ADA: variants seen among roughly 807,000 people sequenced by gnomAD.
ADA encodes the protein adenosine deaminase, also known as adenosine aminohydrolase.
A neutral mutation model predicts 49.0 loss-of-function variants in ADA; 45 were observed. The ratio of observed to expected loss-of-function variants is 0.92; its 90% CI spans 0.72 to 1.18. The LOEUF (loss-of-function observed/expected upper bound fraction) is 1.18. Among genes scored for constraint, ADA ranks in the 50% most tolerant of loss-of-function variants. ADA has a pLI of 0.00. For missense variants in ADA, 445 were observed against 472.5 expected, an observed-to-expected ratio of 0.94 and a Z score of 0.54; for synonymous variants, 173 against 184.2, an observed-to-expected ratio of 0.94 and a Z score of 0.49.
At chr20:44,649,615 T>C (rs1010784957) in intron 1 of ADA, among the ~76,000 whole-genome samples, 2 of 150,808 alleles carry the variant, frequency 1.3e-5, no homozygotes, top group Non-Finnish European at 2.9e-5. Flanking sequence ...AGCCCCTCCC[T>C]TGATGGGCTG....
intron 1 of ADA, among the ~76,000 whole-genome samples, chr20:44,650,708 A>C (rs1376043047): frequency 1.3e-5 from 2 of 152,158 alleles, no homozygotes; most frequent in African/African-American, 4.8e-5. Flanking sequence ...TGCTGGGATT[A>C]CAGGCGTGAG....
intron 1 of ADA, among the ~76,000 whole-genome samples, chr20:44,646,857 C>T (rs1050199664): frequency 6.6e-6 from 1 of 151,962 alleles, no homozygotes; most frequent in Non-Finnish European, 1.5e-5. Context: ...ACAGCTTCTA[C>T]TTGAGTGCAG....
chr20:44,640,007 G>A (rs1031896006), intron 1 of ADA, among the ~76,000 whole-genome samples: 1 of 152,012 alleles, frequency 6.6e-6, no homozygotes, highest in Non-Finnish European at 1.5e-5. Context: ...AGGCCAGGCC[G>A]TCAGATGTCA....
rs912366177 is a variant in ADA, at chr20:44,645,273, G to A, written c.33+6302C>T. Among the ~76,000 whole-genome samples, 4 of 149,564 alleles carry A rather than the reference G, an allele frequency of 2.7e-5. No individual in the cohort carries two copies. The East Asian group carries it at 5.9e-4, about 22-fold the overall frequency. On this transcript the variant is annotated intron_variant, in intron 1 of 11. Transcript: ENST00000372874. ...CTTGGGAGGCTGAGGCAGGAGGATC[G>A]CATGAACCCAGGAGGCAGAGGTTGC...
chr20:44,623,086 G>T lies in ADA; in HGVS notation c.607-8C>A, dbSNP rs751830380. 5 of 1,613,990 alleles carry T rather than the reference G, an allele frequency of 3.1e-6. No individual in the cohort carries two copies. The highest frequency in any genetic ancestry group is 4.2e-6 in the Non-Finnish European group (5 of 1,179,992). ...GCCGCTCTTCACAGCCTCCTGGAAG[G>T]GGGAGAGCCAGGTCATGGGTGCCCT... is the stretch of plus-strand genomic sequence containing the variant. On this transcript the variant is annotated splice_polypyrimidine_tract_variant and splice_region_variant and intron_variant, in intron 6 of 11. Transcript: ENST00000372874.
intron 1 of ADA, among the ~76,000 whole-genome samples, chr20:44,637,419 T>C (rs2065490842): frequency 1.3e-5 from 2 of 152,184 alleles, no homozygotes; most frequent in Admixed American, 1.3e-4. Context: ...GTCAGGGTGT[T>C]TACCATGAGC....
At chr20:44,639,369 G>A (rs1187114862) in intron 1 of ADA, among the ~76,000 whole-genome samples, 1 of 152,012 alleles carries the variant, frequency 6.6e-6, no homozygotes, top group Non-Finnish European at 1.5e-5. Context: ...GGGGGAGGGA[G>A]GCATGATTGG....
intron 1 of ADA, among the ~76,000 whole-genome samples, chr20:44,644,814 G>T (rs1056473173): frequency 1.8e-4 from 28 of 152,348 alleles, no homozygotes; most frequent in African/African-American, 6.7e-4. Context: ...AGTGTCTCCT[G>T]CTGACGGGGC....
At chr20:44,638,856 G>T (rs1394718988) in intron 1 of ADA, among the ~76,000 whole-genome samples, 1 of 152,250 alleles carries the variant, frequency 6.6e-6, no homozygotes, top group Non-Finnish European at 1.5e-5. Flanking sequence ...CGAAAAGCTA[G>T]AGGATAGCGA....
chr20:44,632,230 G>C (rs2065439846), intron 2 of ADA, among the ~76,000 whole-genome samples: 1 of 152,098 alleles, frequency 6.6e-6, no homozygotes. Context: ...CAGGCAGGAA[G>C]CCGCGGGCAT....
rs2065375912 is a variant in ADA at position 44,625,682 on chromosome 20, C to G, written c.365G>C (p.Gly122Ala). The G allele has an allele frequency of 1.3e-6, 2 of 1,558,854 alleles. No individual in the cohort carries two copies. The highest frequency in any genetic ancestry group is 1.7e-6 in the Non-Finnish European group (2 of 1,150,722). ...VEPIPWNQAE[G>A]DLTPDEVVAL... ...CACCACCTCGTCTGGGGTGAGGTCC[C>G]CTCTGTGTGAGGAGAGGAGTAGGGA... Residue 122 changes from glycine to alanine, a missense_variant and splice_region_variant, in exon 5 of 12, where the codon GGG becomes GCG. Transcript: ENST00000372874.
intron 10 of ADA, chr20:44,620,731 G>A: frequency 1.8e-6 from 1 of 563,686 alleles, no homozygotes; most frequent in Non-Finnish European, 3.2e-6. Flanking sequence ...TGAAGAGAGT[G>A]TGCAAGACTT....
At chr20:44,623,654 CTTCCTTCCTTCT>C (rs1047935935) in intron 6 of ADA, among the ~76,000 whole-genome samples, 1 of 149,478 alleles carries the variant, frequency 6.7e-6, no homozygotes. Context: ...TTCTCTCTCC[CTTCCTTCCTTCT>C]TTCCTTCCTT....
intron 5 of ADA, 131 bp downstream of exon 5, chr20:44,625,438 G>T: frequency 1.2e-6 from 1 of 818,594 alleles, no homozygotes; most frequent in Non-Finnish European, 2.0e-6. Context: ...CCAAGTTCAT[G>T]CCAGTGGGCT....
chr20:44,649,988 G>C (rs191424639), intron 1 of ADA, among the ~76,000 whole-genome samples: 41 of 148,338 alleles, frequency 2.8e-4, no homozygotes, highest in Non-Finnish European at 4.1e-4. Flanking sequence ...ACCCACCTTT[G>C]CCTCCCAAAG....
In ADA at chr20:44,622,810, C is replaced by A. The variant is rs368646586; in HGVS notation, c.780+19G>T. On this transcript the variant is annotated intron_variant, in intron 8 of 11. Coordinates refer to ENST00000372874, the MANE Select transcript of ADA (RefSeq NM_000022.4). ...GGGACAGCCGGGGATGGTTCCTCCCCACTCCCTGGCCCGCTTACCTCGAAG... is the reference window on the plus strand; with the variant it reads ...GGGACAGCCGGGGATGGTTCCTCCCAACTCCCTGGCCCGCTTACCTCGAAG... 6 of 1,614,210 alleles carry A rather than the reference C, an allele frequency of 3.7e-6. No homozygotes were observed. The African/African-American group carries it at 5.3e-5, about 14-fold the overall frequency.
intron 1 of ADA, among the ~76,000 whole-genome samples, chr20:44,648,608 A>T (rs2065614606): frequency 6.6e-6 from 1 of 151,672 alleles, no homozygotes. Context: ...CCGCCACTGG[A>T]CTCTCTTCCC....
intron 10 of ADA, 105 bp downstream of exon 10, chr20:44,620,912 AG>A (rs1321722567): frequency 1.0e-5 from 15 of 1,505,652 alleles, no homozygotes; most frequent in Non-Finnish European, 1.4e-5. Flanking sequence ...TGGACTGTTG[AG>A]GCAGACTCAC....
rs201108999 is a variant in ADA at position 44,636,182 on chromosome 20, C to T, written c.95+45G>A. The T allele has an allele frequency of 3.9e-6, 6 of 1,541,508 alleles. No individual in the cohort carries two copies. In the East Asian group the frequency reaches 1.1e-4, roughly 29 times the overall value. Reference sequence around the variant, plus strand: ...GGGGCCTCTGGGTGGAGCTGGGGACCCCACTCAAATCCCAGGGAGAGAGGG... The same window carrying T: ...GGGGCCTCTGGGTGGAGCTGGGGACTCCACTCAAATCCCAGGGAGAGAGGG... On this transcript the variant is annotated intron_variant, in intron 2 of 11. Transcript: ENST00000372874.
Sources: gnomAD v4.1 joint callset for allele counts (sites outside exome capture counted in the v4.1 genomes callset) on GRCh38, gnomAD v4.1.1 for gene constraint, MANE v1.5 for transcripts, NCBI Gene and HGNC (gene_info 2026-07-23, HGNC 2026-07-21) for gene names.